The following ARHGEF28 variants were observed in gnomAD, a reference collection of about 807,000 sequenced individuals.
The protein encoded by ARHGEF28 is Rho guanine nucleotide exchange factor 28.
Under a neutral mutation model 206.6 loss-of-function variants are expected in ARHGEF28, and 152 were observed. That is an observed-to-expected ratio of 0.74 (90% confidence interval 0.64 to 0.84). The LOEUF (loss-of-function observed/expected upper bound fraction) is 0.84. Ranked by LOEUF, ARHGEF28 falls within the 40% of genes least tolerant of loss-of-function variation. ARHGEF28 has a pLI of 0.00. For synonymous variants in ARHGEF28, 763 were observed against 776.4 expected, an observed-to-expected ratio of 0.98 and a Z score of 0.29; for missense variants, 2,028 against 2,073.2, an observed-to-expected ratio of 0.98 and a Z score of 0.42.
chr5:73,678,604 C>T (rs1746850344), intron 1 of ARHGEF28, among the ~76,000 whole-genome samples: 1 of 152,154 alleles, frequency 6.6e-6, no homozygotes. Flanking sequence ...GGACTGTAGT[C>T]CACTGTAGCC....
At chr5:73,882,354 C>G (rs947979702) in intron 22 of ARHGEF28, 118 bp from the exon 23 acceptor site, 1 of 751,228 alleles carries the variant, frequency 1.3e-6, no homozygotes, top group African/African-American at 1.9e-5. Flanking sequence ...TTCAGAAATT[C>G]CATGATATTT....
In ARHGEF28 at chr5:73,845,986, CAAAAAAAAAAAA is replaced by C. The variant is rs57600570; in HGVS notation, c.1428-269_1428-258del. Among the ~76,000 whole-genome samples the C allele has an allele frequency of 3.1e-4, 20 of 63,766 alleles. No homozygotes were observed. The East Asian group carries it at 9.4e-3, about 30-fold the overall frequency. 41.8% of individuals were successfully genotyped at this position (63,766 alleles called of 152,430 possible). ...CTAGGCAACAAGAACAAAACTGTCT[CAAAAAAAAAAAA>C]AAAAAAAAAAAAGAAAGAAAGAAAG... is the stretch of plus-strand genomic sequence containing the variant. On this transcript the variant is annotated intron_variant, in intron 11 of 35. Coordinates refer to ENST00000513042, the MANE Select transcript of ARHGEF28 (RefSeq NM_001177693.2).
intron 22 of ARHGEF28, among the ~76,000 whole-genome samples, chr5:73,880,817 C>T (rs940494556): frequency 7.9e-5 from 12 of 151,938 alleles, no homozygotes; most frequent in Non-Finnish European, 1.2e-4. Flanking sequence ...CTTGTAGTCC[C>T]AGCTATTTGT....
At chr5:73,857,986 G>A (rs1489838194) in intron 15 of ARHGEF28, 101 bp from the exon 16 acceptor site, 27 of 1,495,822 alleles carry the variant, frequency 1.8e-5, no homozygotes, top group Admixed American at 2.3e-5. Context: ...GATGGAAAAT[G>A]TAGAGACTTT....
At position 73,632,702 on chromosome 5, in the gene ARHGEF28, A is replaced by C. The variant is rs756672989; in HGVS notation, c.-12+6380A>C. 2.0e-3 allele frequency among the ~76,000 whole-genome samples: 311 copies of C among 152,320 alleles called. 3 individuals carry two copies. Among genetic ancestry groups the C allele is most frequent in the Non-Finnish European group, 2.5e-3 (172 of 68,020 alleles). ...GTTTCTTCAGCCCTTGTTAAGTGAC[A>C]TGATTTTGAATCCTTTCACAAACCT... On this transcript the variant is annotated intron_variant, in intron 1 of 35. Coordinates refer to ENST00000513042, the MANE Select transcript of ARHGEF28 (RefSeq NM_001177693.2).
At chr5:73,644,829 T>C (rs933836237) in intron 1 of ARHGEF28, among the ~76,000 whole-genome samples, 5 of 152,208 alleles carry the variant, frequency 3.3e-5, no homozygotes, top group African/African-American at 1.2e-4. Context: ...GAGCTGGGAA[T>C]CTGTATTAAA....
At chr5:73,824,582 C>T (rs1272054522) in intron 9 of ARHGEF28, among the ~76,000 whole-genome samples, 1 of 151,968 alleles carries the variant, frequency 6.6e-6, no homozygotes, top group Admixed American at 6.5e-5. Context: ...GATTCTCCTG[C>T]CTCAGCTGCC....
intron 4 of ARHGEF28, 130 bp from the exon 5 acceptor site, chr5:73,773,725 G>A (rs998164672): frequency 1.1e-6 from 1 of 941,936 alleles, no homozygotes; most frequent in African/African-American, 1.7e-5. Context: ...ACAGTGATTG[G>A]GTGCCATTGT....
At chr5:73,754,058 A>G (rs1752173625) in intron 4 of ARHGEF28, among the ~76,000 whole-genome samples, 1 of 152,184 alleles carries the variant, frequency 6.6e-6, no homozygotes, top group South Asian at 2.1e-4. Context: ...AATACAACAT[A>G]TATTATTGCT....
chr5:73,889,124 G>A (rs994451989), intron 26 of ARHGEF28, among the ~76,000 whole-genome samples: 1 of 152,188 alleles, frequency 6.6e-6, no homozygotes, highest in Admixed American at 6.5e-5. Context: ...GGAAATTGAA[G>A]CATTTGGCTA....
intron 2 of ARHGEF28, among the ~76,000 whole-genome samples, chr5:73,686,763 C>T (rs1747503970): frequency 6.6e-6 from 1 of 152,026 alleles, no homozygotes. Flanking sequence ...ACCTCGTGAT[C>T]TGCCTGCCTC....
chr5:73,745,756 A>C (rs985664001), intron 2 of ARHGEF28, among the ~76,000 whole-genome samples: 1 of 152,060 alleles, frequency 6.6e-6, no homozygotes. Context: ...TACCTTCACT[A>C]TTTGACAGGG....
chr5:73,799,626 A>G (rs1424777182), intron 9 of ARHGEF28, among the ~76,000 whole-genome samples: 1 of 152,206 alleles, frequency 6.6e-6, no homozygotes, highest in African/African-American at 2.4e-5. Flanking sequence ...GCAATAATAT[A>G]TCACTCATGG....
At chr5:73,826,762 A>G (rs1756935827) in intron 9 of ARHGEF28, among the ~76,000 whole-genome samples, 1 of 151,992 alleles carries the variant, frequency 6.6e-6, no homozygotes, top group South Asian at 2.1e-4. Context: ...CCTTCTTTCT[A>G]TGGGTGGAAT....
At chr5:73,783,830 A>G (rs966166265) in intron 7 of ARHGEF28, among the ~76,000 whole-genome samples, 1 of 152,288 alleles carries the variant, frequency 6.6e-6, no homozygotes, top group East Asian at 1.9e-4. Context: ...GGGGCAGCCA[A>G]GTTAATATAC....
At position 73,773,993 on chromosome 5, in the gene ARHGEF28, T is replaced by C. The variant is rs1214933712; in HGVS notation, c.614T>C (p.Leu205Ser). 8 of 1,605,844 alleles carry C rather than the reference T, an allele frequency of 5.0e-6. No individual in the cohort carries two copies. The highest frequency in any genetic ancestry group is 6.8e-6 in the Non-Finnish European group (8 of 1,175,940). ...GAAGAGGGTGCCACACCATTAGACT[T>C]AGCTTTACGTGAAGGACACTCCAAG... ...PNEEGATPLDLALREGHSKLV... is the reference protein window; with the variant it reads ...PNEEGATPLDSALREGHSKLV... Residue 205 changes from leucine (L) to serine (S), a missense_variant, in exon 5 of 36, where the codon TTA becomes TCA. Around this residue, in one of 3 missense-constraint regions of ARHGEF28, gnomAD observed 1,002 missense variants for 1,015.3 expected, o/e 0.99. Coordinates refer to ENST00000513042, the MANE Select transcript of ARHGEF28 (RefSeq NM_001177693.2).
intron 7 of ARHGEF28, 151 bp from the exon 8 acceptor site, chr5:73,794,251 G>T (rs1308545133): frequency 8.2e-6 from 5 of 606,570 alleles, no homozygotes; most frequent in African/African-American, 1.9e-5. Flanking sequence ...ACTCTGCTCT[G>T]TGGAGAGCTG....
At chr5:73,916,211 A>C (rs1357773934) in intron 35 of ARHGEF28, among the ~76,000 whole-genome samples, 2 of 152,218 alleles carry the variant, frequency 1.3e-5, no homozygotes, top group Admixed American at 6.5e-5. Context: ...CTCATGTTTT[A>C]AAATATTTCA....
At chr5:73,846,166 C>G (rs149937379) in intron 11 of ARHGEF28, 102 bp from the exon 12 acceptor site, 3 of 1,058,438 alleles carry the variant, frequency 2.8e-6, no homozygotes, top group Middle Eastern at 3.0e-4. Context: ...CTATTGCACC[C>G]CCCCCGCCCC....
Sources: allele counts gnomAD v4.1 joint callset (sites outside exome capture counted in the v4.1 genomes callset), GRCh38; gene constraint gnomAD v4.1.1; regional missense constraint gnomAD v4.1.1; transcripts MANE v1.5; gene names NCBI Gene and HGNC (gene_info 2026-07-23, HGNC 2026-07-21).